Variants in ANKFN1 observed in about 807,000 individuals in gnomAD.
The protein encoded by ANKFN1 is ankyrin repeat and fibronectin type-III domain-containing protein 1.
A neutral mutation model predicts 108.7 loss-of-function variants in ANKFN1; 74 were observed. That is an observed-to-expected ratio of 0.68 (90% confidence interval 0.56 to 0.83). The LOEUF (loss-of-function observed/expected upper bound fraction) is 0.83. Ranked by LOEUF, ANKFN1 falls within the 40% of genes least tolerant of loss-of-function variation. The pLI is 0.00. For missense variants in ANKFN1, 1,505 were observed against 1,382.3 expected, an observed-to-expected ratio of 1.09 and a Z score of -1.41; for synonymous variants, 547 against 516.2, an observed-to-expected ratio of 1.06 and a Z score of -0.81.
chr17:56,195,677 T>C (rs1913440532), intron 1 of ANKFN1, among the ~76,000 whole-genome samples: 1 of 152,118 alleles, frequency 6.6e-6, no homozygotes, highest in Non-Finnish European at 1.5e-5. Context: ...AAGTAAACTC[T>C]CAAGGGTCTA....
rs2045513753 is a variant in ANKFN1, at chr17:56,326,238, C to T, written c.71C>T (p.Ala24Val). The stretch of plus-strand genomic sequence containing the variant: ...TTACACAGAATAGGAAGGAGATTCG[C>T]TTGCTTTGCACAGAGGCTGAGCCAC... Reference protein sequence around the residue: ...TCSKIIGRRFACFAQRLSHRR... With the variant: ...TCSKIIGRRFVCFAQRLSHRR... Residue 24 changes from alanine to valine, a missense_variant, in exon 4 of 21, where the codon GCT becomes GTT. Coordinates refer to ENST00000682825, the MANE Select transcript of ANKFN1 (RefSeq NM_001370326.1). The T allele has an allele frequency of 4.3e-6, 7 of 1,612,752 alleles. No homozygotes were observed. The East Asian group carries it at 1.3e-4, about 31-fold the overall frequency.
At chr17:56,445,562 C>G (rs1370999190) in intron 10 of ANKFN1, among the ~76,000 whole-genome samples, 1 of 152,096 alleles carries the variant, frequency 6.6e-6, no homozygotes, top group Non-Finnish European at 1.5e-5. Context: ...TGCCCTATCG[C>G]TTGGAAGGAA....
intron 1 of ANKFN1, among the ~76,000 whole-genome samples, chr17:56,185,197 T>TC (rs1318754291): frequency 3.3e-5 from 5 of 152,234 alleles, no homozygotes; most frequent in African/African-American, 1.2e-4. Context: ...TGATGTGACT[T>TC]CCCCCACTAG....
chr17:56,333,325 G>T (rs544514875), intron 4 of ANKFN1, among the ~76,000 whole-genome samples: 1 of 152,062 alleles, frequency 6.6e-6, no homozygotes, highest in Non-Finnish European at 1.5e-5. Context: ...TCAGATTGAA[G>T]AGGTTCCCTT....
chr17:56,449,972 T>C (rs140550256), intron 11 of ANKFN1, among the ~76,000 whole-genome samples: 79 of 152,336 alleles, frequency 5.2e-4, no homozygotes, highest in African/African-American at 1.7e-3. Flanking sequence ...GGCTGTTCAA[T>C]TGGGACAGGG....
intron 20 of ANKFN1, among the ~76,000 whole-genome samples, chr17:56,508,059 A>C (rs949959558): frequency 6.6e-6 from 1 of 152,210 alleles, no homozygotes; most frequent in African/African-American, 2.4e-5. Context: ...TCAATGAATG[A>C]CTTTCCTGGA....
chr17:56,106,934 T>A (rs1218086030), intron 4 of ANKFN1, among the ~76,000 whole-genome samples: 1 of 151,164 alleles, frequency 6.6e-6, no homozygotes, highest in African/African-American at 2.4e-5. Flanking sequence ...CACTGAGAGG[T>A]TTTTACAGTT....
chr17:56,407,522 G>T (rs1021124986), intron 8 of ANKFN1, among the ~76,000 whole-genome samples: 1 of 152,108 alleles, frequency 6.6e-6, no homozygotes, highest in East Asian at 1.9e-4. Flanking sequence ...TCAAATCAAA[G>T]CTCCATCAGT....
At chr17:56,233,639 C>T (rs112480334) in intron 3 of ANKFN1, among the ~76,000 whole-genome samples, 30 of 152,018 alleles carry the variant, frequency 2.0e-4, no homozygotes, top group African/African-American at 6.5e-4. Flanking sequence ...TTTCTGTCTA[C>T]AACTCCTCCA....
At chr17:56,188,209 T>C (rs1157399117) in intron 1 of ANKFN1, among the ~76,000 whole-genome samples, 3 of 152,178 alleles carry the variant, frequency 2.0e-5, no homozygotes, top group Non-Finnish European at 4.4e-5. Context: ...AATGAGGAGC[T>C]GGTGGGTTAA....
At chr17:56,312,873 G>T (rs901646510) in intron 3 of ANKFN1, among the ~76,000 whole-genome samples, 4 of 152,164 alleles carry the variant, frequency 2.6e-5, no homozygotes, top group African/African-American at 9.7e-5. Flanking sequence ...AAACAACAGT[G>T]GGGGCGGGCA....
intron 4 of ANKFN1, among the ~76,000 whole-genome samples, chr17:56,122,542 C>A (rs77385984): frequency 0.012 from 1,783 of 152,170 alleles, 33 homozygotes; most frequent in African/African-American, 0.04. Context: ...GATTGTTCAT[C>A]CCTGTCCACA....
intron 8 of ANKFN1, among the ~76,000 whole-genome samples, chr17:56,383,209 C>A (rs2047157929): frequency 6.6e-6 from 1 of 152,134 alleles, no homozygotes; most frequent in Non-Finnish European, 1.5e-5. Flanking sequence ...GGAAACCGAA[C>A]AACCTGCTCC....
rs990193044 is a variant in ANKFN1 at position 56,511,612 on chromosome 17, A to G, written c.*343A>G. The G allele has an allele frequency of 8.1e-5, 18 of 221,316 alleles. No individual in the cohort carries two copies. Among genetic ancestry groups the G allele is most frequent in the Middle Eastern group, 1.5e-3 (1 of 682 alleles). The allele number at this position is 221,316 out of a possible 1,614,324, so 13.7% of individuals were successfully genotyped here. ...CCTCTGTTCTGCAGCTGGTTCTGTA[A>G]TCTGACCCCTAGTTTAGGGCTCTTT... On this transcript the variant is annotated 3_prime_UTR_variant, in exon 21 of 21. Coordinates refer to ENST00000682825, the MANE Select transcript of ANKFN1 (RefSeq NM_001370326.1).
chr17:56,314,363 T>C (rs1263563838), intron 3 of ANKFN1, among the ~76,000 whole-genome samples: 1 of 152,188 alleles, frequency 6.6e-6, no homozygotes, highest in Non-Finnish European at 1.5e-5. Context: ...TCTCCAAAGG[T>C]ATACCATTTT....
intron 8 of ANKFN1, among the ~76,000 whole-genome samples, chr17:56,434,598 A>T (rs1262771859): frequency 6.6e-6 from 1 of 152,204 alleles, no homozygotes; most frequent in Admixed American, 6.5e-5. Context: ...AAAATAAAAA[A>T]TGCAAGCAGC....
At chr17:56,443,073 T>C (rs1417508420) in intron 10 of ANKFN1, 140 bp downstream of exon 10, 2 of 697,878 alleles carry the variant, frequency 2.9e-6, no homozygotes, top group East Asian at 2.8e-5. Context: ...GGCCACATAA[T>C]GAATGATTCC....
At chr17:56,340,317 A>C (rs1234759692) in intron 4 of ANKFN1, among the ~76,000 whole-genome samples, 1 of 151,950 alleles carries the variant, frequency 6.6e-6, no homozygotes, top group Admixed American at 6.6e-5. Context: ...ATTAGATCCC[A>C]CTTGTCAGTT....
chr17:56,107,200 G>A (rs1205804115), intron 4 of ANKFN1, among the ~76,000 whole-genome samples: 1 of 152,166 alleles, frequency 6.6e-6, no homozygotes, highest in Non-Finnish European at 1.5e-5. Flanking sequence ...GGCTGGGCTG[G>A]GGCTGCAGAG....
Sources: gnomAD v4.1 joint callset for allele counts (sites outside exome capture counted in the v4.1 genomes callset) on GRCh38, gnomAD v4.1.1 for gene constraint, MANE v1.5 for transcripts, NCBI Gene and HGNC (gene_info 2026-07-23, HGNC 2026-07-21) for gene names.